The following GPM6A variants were observed in gnomAD, a reference collection of about 807,000 sequenced individuals.
GPM6A encodes glycoprotein M6A.
GPM6A carries 7 observed loss-of-function variants against 32.1 expected under a neutral mutation model. That is an observed-to-expected ratio of 0.22 (90% CI 0.12 to 0.41). The LOEUF (loss-of-function observed/expected upper bound fraction) is 0.41. Among genes scored for constraint, GPM6A ranks in the 10% least tolerant of loss-of-function variants. The pLI is 1.00. For synonymous variants in GPM6A, 130 were observed against 123.4 expected (o/e 1.05, Z -0.35); for missense variants, 235 against 347.2 (o/e 0.68, Z 2.57).
chr4:175,777,006 T>C (rs976706095), intron 1 of GPM6A, among the ~76,000 whole-genome samples: 1 of 152,218 alleles, frequency 6.6e-6, no homozygotes, highest in African/African-American at 2.4e-5. Flanking sequence ...CATGGGTGTG[T>C]GCACGTATTT....
chr4:175,966,971 T>C (rs1740351959), intron 1 of GPM6A, among the ~76,000 whole-genome samples: 2 of 151,984 alleles, frequency 1.3e-5, no homozygotes, highest in Admixed American at 1.3e-4. Context: ...AAGTCCAGTA[T>C]TACCTTAATA....
At chr4:175,932,052 G>A (rs2126312495) in intron 1 of GPM6A, among the ~76,000 whole-genome samples, 1 of 149,132 alleles carries the variant, frequency 6.7e-6, no homozygotes, top group African/African-American at 2.5e-5. Context: ...CTATGATTGT[G>A]CCACTGCACT....
intron 2 of GPM6A, among the ~76,000 whole-genome samples, chr4:175,678,388 C>T (rs551776510): frequency 1.6e-4 from 25 of 152,012 alleles, no homozygotes; most frequent in East Asian, 5.8e-4. Flanking sequence ...AATTAGAGTA[C>T]GACTAGAATG....
At chr4:175,757,724 G>C (rs1306302564) in intron 1 of GPM6A, among the ~76,000 whole-genome samples, 2 of 152,130 alleles carry the variant, frequency 1.3e-5, no homozygotes, top group Non-Finnish European at 2.9e-5. Context: ...AATGAGAAGA[G>C]TATCTGAGAG....
chr4:175,662,426 C>T (rs1002090937), intron 3 of GPM6A, among the ~76,000 whole-genome samples: 2 of 151,934 alleles, frequency 1.3e-5, no homozygotes, highest in Non-Finnish European at 2.9e-5. Flanking sequence ...ATGGTGAAAC[C>T]CCATCTCTAC....
At chr4:175,913,759 C>T (rs1284970913) in intron 1 of GPM6A, among the ~76,000 whole-genome samples, 4 of 152,242 alleles carry the variant, frequency 2.6e-5, no homozygotes, top group Admixed American at 6.5e-5. Flanking sequence ...TCAATGAGGC[C>T]TACTCTGACC....
At chr4:175,733,348 A>G (rs1057138299) in intron 1 of GPM6A, among the ~76,000 whole-genome samples, 17 of 152,232 alleles carry the variant, frequency 1.1e-4, no homozygotes, top group Non-Finnish European at 2.1e-4. Context: ...CTAAAAATAC[A>G]AAAAGATTAT....
At chr4:175,662,778 A>C (rs1371122248) in intron 3 of GPM6A, among the ~76,000 whole-genome samples, 1 of 152,096 alleles carries the variant, frequency 6.6e-6, no homozygotes, top group African/African-American at 2.4e-5. Context: ...TGAAAAACCC[A>C]AGAAGATTCT....
intron 1 of GPM6A, among the ~76,000 whole-genome samples, chr4:175,714,751 A>T (rs1188672771): frequency 1.3e-5 from 2 of 152,182 alleles, no homozygotes; most frequent in Non-Finnish European, 2.9e-5. Context: ...TATTAAGATT[A>T]ATATTTAACA....
intron 1 of GPM6A, among the ~76,000 whole-genome samples, chr4:175,778,627 CAAAAAA>C (rs34286041): frequency 5.3e-5 from 4 of 75,200 alleles, no homozygotes; most frequent in Middle Eastern, 0.042. Context: ...CTGTATCCAA[CAAAAAA>C]AAAAAAAAAA....
chr4:175,861,594 A>G (rs1736574313), intron 1 of GPM6A, among the ~76,000 whole-genome samples: 1 of 151,862 alleles, frequency 6.6e-6, no homozygotes, highest in African/African-American at 2.4e-5. Context: ...TCCACTAAAA[A>G]TACAAAAATT....
rs538612381 is a variant in GPM6A at position 175,888,721 on chromosome 4, A to G, written c.-22-76472T>C. 5.3e-5 allele frequency among the ~76,000 whole-genome samples: 8 copies of G among 152,272 alleles called. No homozygotes were observed. In the South Asian group the frequency reaches 1.7e-3, roughly 32 times the overall value. ...TAAAAGAAGATAACAGACCATGTTC[A>G]CTAATAAAAAATTTCAATGCTTAAA... On this transcript the variant is annotated intron_variant, in intron 1 of 7. Transcript: ENST00000280187.
At chr4:175,882,250 T>G (rs1428957462) in intron 1 of GPM6A, among the ~76,000 whole-genome samples, 1 of 152,044 alleles carries the variant, frequency 6.6e-6, no homozygotes, top group African/African-American at 2.4e-5. Flanking sequence ...ATAAATTTTC[T>G]TCAATATTTT....
chr4:175,698,764 A>G (rs1180608845), intron 2 of GPM6A, among the ~76,000 whole-genome samples: 1 of 152,176 alleles, frequency 6.6e-6, no homozygotes, highest in African/African-American at 2.4e-5. Context: ...TCAAAATGGT[A>G]TTCTTCCCAT....
chr4:175,866,247 C>T (rs1736730129), intron 1 of GPM6A, among the ~76,000 whole-genome samples: 1 of 152,136 alleles, frequency 6.6e-6, no homozygotes, highest in African/African-American at 2.4e-5. Flanking sequence ...GAATGGCATG[C>T]TCATTACAAC....
intron 2 of GPM6A, among the ~76,000 whole-genome samples, chr4:175,680,123 C>G (rs759266650): frequency 2.6e-5 from 4 of 152,078 alleles, no homozygotes; most frequent in Non-Finnish European, 5.9e-5. Flanking sequence ...ATAAACATAT[C>G]TATATATGTG....
upstream of GPM6A, chr4:175,812,466 A>G (rs941484860): frequency 5.5e-5 from 69 of 1,245,530 alleles, no homozygotes; most frequent in Non-Finnish European, 6.5e-5. Context: ...TCTTCCGTGA[A>G]GATTATCAAT....
rs532498854 is a variant in GPM6A, at chr4:175,676,527, T to C, written c.231-2691A>G. ...GCTTCGAGAGGCTGAGGTGAGAGGA[T>C]CACTTGAACCATAGTTCGAAACCAG... On this transcript the variant is annotated intron_variant, in intron 2 of 6. Transcript: ENST00000393658. Among the ~76,000 whole-genome samples the C allele has an allele frequency of 1.4e-3, 215 of 152,264 alleles. 2 individuals carry two copies. Among genetic ancestry groups the C allele is most frequent in the Non-Finnish European group, 1.0e-4 (7 of 68,016 alleles).
chr4:175,887,619 C>T (rs1213422462), intron 1 of GPM6A, among the ~76,000 whole-genome samples: 2 of 151,508 alleles, frequency 1.3e-5, no homozygotes, highest in African/African-American at 4.8e-5. Flanking sequence ...GTTCTAGATG[C>T]TAATACGTTT....
Sources: allele counts gnomAD v4.1 joint callset (sites outside exome capture counted in the v4.1 genomes callset), GRCh38; gene constraint gnomAD v4.1.1; transcripts MANE v1.5; gene names NCBI Gene and HGNC (gene_info 2026-07-23, HGNC 2026-07-21).